Variants in BANP observed in about 807,000 individuals in gnomAD.
BANP encodes the protein BTG3 associated nuclear protein.
In BANP, 11 loss-of-function variants were observed where a neutral mutation model predicts 68.1. The ratio of observed to expected loss-of-function variants is 0.16; its 90% confidence interval spans 0.10 to 0.27. The LOEUF is 0.27. BANP is among the 10% of genes least tolerant of loss of function. The pLI is 1.00. For synonymous variants in BANP, 329 were observed against 303.2 expected, an observed-to-expected ratio of 1.09 and a Z score of -0.88; for missense variants, 504 against 722.7, an observed-to-expected ratio of 0.70 and a Z score of 3.47.
At chr16:88,062,776 G>A (rs1398073696) in intron 11 of BANP, among the ~76,000 whole-genome samples, 3 of 152,184 alleles carry the variant, frequency 2.0e-5, no homozygotes, top group Non-Finnish European at 4.4e-5. Flanking sequence ...AGGAAAGAAG[G>A]GATTGCACAT....
At chr16:87,982,311 C>T (rs750366087) in intron 3 of BANP, among the ~76,000 whole-genome samples, 3 of 152,148 alleles carry the variant, frequency 2.0e-5, no homozygotes, top group South Asian at 2.1e-4. Flanking sequence ...GAGTCGTGTG[C>T]GTGGCTCTAG....
chr16:87,973,488 C>A (rs887738367), intron 1 of BANP, among the ~76,000 whole-genome samples: 3 of 152,258 alleles, frequency 2.0e-5, no homozygotes, highest in African/African-American at 4.8e-5. Flanking sequence ...AGGCCGGGCG[C>A]GGTGGCTCAC....
rs1486581695 is a variant in BANP at position 88,036,055 on chromosome 16, G to T, written c.1272+661G>T. ...AGGCCAGCCTGTTGCGATGCTCCATGTTTGCATGCCAGAGCAGGACTGTCT... is the reference window on the plus strand; with the variant it reads ...AGGCCAGCCTGTTGCGATGCTCCATTTTTGCATGCCAGAGCAGGACTGTCT... On this transcript the variant is annotated intron_variant, in intron 10 of 13. Coordinates refer to ENST00000682872, the MANE Select transcript of BANP (RefSeq NM_001386991.1). The surrounding 1 kb of genome is among the most constrained non-coding windows in gnomAD (Gnocchi z 4.2). 4.6e-5 allele frequency among the ~76,000 whole-genome samples: 7 copies of T among 152,236 alleles called. No individual in the cohort carries two copies. Among genetic ancestry groups the T allele is most frequent in the Non-Finnish European group, 1.0e-4 (7 of 68,046 alleles).
At chr16:88,058,299 G>C (rs745379711) in intron 11 of BANP, among the ~76,000 whole-genome samples, 3 of 152,176 alleles carry the variant, frequency 2.0e-5, no homozygotes, top group African/African-American at 7.2e-5. Context: ...GGATTTGTTG[G>C]GTTTCACGCA....
In BANP at chr16:87,960,283, T is replaced by G. The variant is rs6540125; in HGVS notation, c.-69+8768T>G. ...CTTGTCTGACACCTGGGAGATGAAT[T>G]TCAGTCTGATGGTGGATCTGGACCC... On this transcript the variant is annotated intron_variant, in intron 1 of 13. Coordinates refer to ENST00000682872, the MANE Select transcript of BANP (RefSeq NM_001386991.1). Among the ~76,000 whole-genome samples the G allele has an allele frequency of 0.67, 102,298 of 151,998 alleles. 35,202 individuals carry two copies. The highest frequency in any genetic ancestry group is 0.79 in the African/African-American group (32,804 of 41,480).
At chr16:87,955,001 C>T (rs1319177999) in intron 1 of BANP, among the ~76,000 whole-genome samples, 1 of 152,204 alleles carries the variant, frequency 6.6e-6, no homozygotes, top group Non-Finnish European at 1.5e-5. Flanking sequence ...TGGCTCTGGC[C>T]CTGTGGCCTT....
chr16:88,048,426 C>A (rs1361861808), intron 11 of BANP, among the ~76,000 whole-genome samples: 1 of 151,914 alleles, frequency 6.6e-6, no homozygotes, highest in African/African-American at 2.4e-5. Flanking sequence ...TAACAGTGTT[C>A]TCGGTATTGA....
intron 5 of BANP, among the ~76,000 whole-genome samples, chr16:88,005,756 C>T (rs559018096): frequency 4.0e-4 from 61 of 152,286 alleles, no homozygotes; most frequent in African/African-American, 1.4e-3. Context: ...TTAACCTCGC[C>T]GGAAAAAAGA....
chr16:88,074,577 G>T (rs1468972770), intron 13 of BANP, among the ~76,000 whole-genome samples: 2 of 152,110 alleles, frequency 1.3e-5, no homozygotes, highest in African/African-American at 4.8e-5. Context: ...TGTCCTTGGA[G>T]GGCAAGTGAG....
In BANP at chr16:88,018,905, T is replaced by TAC. The variant is rs2075220733; in HGVS notation, c.895+239_895+240dup. Among the ~76,000 whole-genome samples the TAC allele has an allele frequency of 6.6e-6, 1 of 152,208 alleles. No individual in the cohort carries two copies. Among genetic ancestry groups the TAC allele is most frequent in the South Asian group, 2.1e-4 (1 of 4,830 alleles). Reference sequence around the variant, plus strand: ...TACCTCATATACCCCATCATATATATACCTACTGTGTACCCTTAGAAGGTG... The same window carrying TAC: ...TACCTCATATACCCCATCATATATATACACCTACTGTGTACCCTTAGAAGGTG... On this transcript the variant is annotated intron_variant, in intron 7 of 13. Transcript: ENST00000682872. The surrounding 1 kb of genome is among the most constrained non-coding windows in gnomAD (Gnocchi z 7.7).
chr16:87,962,064 C>T (rs530279367), intron 1 of BANP, among the ~76,000 whole-genome samples: 2 of 151,958 alleles, frequency 1.3e-5, no homozygotes, highest in South Asian at 4.1e-4. Context: ...CATGGTGAAA[C>T]GCTGTCTCTA....
intron 11 of BANP, among the ~76,000 whole-genome samples, chr16:88,046,524 T>C (rs1285592643): frequency 1.3e-5 from 2 of 152,112 alleles, no homozygotes; most frequent in African/African-American, 4.8e-5. Context: ...TATGTTCTTT[T>C]TTTAATTTTT....
chr16:88,034,980 C>T, intron 9 of BANP: 1 of 248,154 alleles, frequency 4.0e-6, no homozygotes, highest in Non-Finnish European at 7.9e-6. Context: ...CTCTGTCCAG[C>T]CCGGGACGTG....
At chr16:87,994,809 C>T (rs1355283422) in intron 4 of BANP, among the ~76,000 whole-genome samples, 2 of 152,150 alleles carry the variant, frequency 1.3e-5, no homozygotes, top group Non-Finnish European at 1.5e-5. Flanking sequence ...AACCTGCAAA[C>T]AGTAGAAATA....
At chr16:88,037,626 G>A (rs985736627) in intron 10 of BANP, 7 of 307,108 alleles carry the variant, frequency 2.3e-5, no homozygotes, top group African/African-American at 8.9e-5. Flanking sequence ...GAAGCTGGGC[G>A]ACACACACAT....
intron 11 of BANP, among the ~76,000 whole-genome samples, chr16:88,056,015 C>CCTG (rs1056893811): frequency 2.6e-5 from 4 of 152,208 alleles, no homozygotes; most frequent in African/African-American, 9.6e-5. Flanking sequence ...CCGCATGCCT[C>CCTG]CTGCTGCCTT....
rs2071894832 is a variant in BANP at position 88,008,317 on chromosome 16, C to T, written c.655+2052C>T. On this transcript the variant is annotated intron_variant, in intron 6 of 13. Coordinates refer to ENST00000682872, the MANE Select transcript of BANP (RefSeq NM_001386991.1). ...CAGGTTTTTGTGTATGTATTAATTG[C>T]AGGATCAGGGCAATGGAGTTTTTCA... Among the ~76,000 whole-genome samples the T allele has an allele frequency of 2.0e-5, 3 of 152,114 alleles. No individual in the cohort carries two copies. In the South Asian group the frequency reaches 6.2e-4, roughly 31 times the overall value.
At chr16:87,972,941 C>G (rs7200909) in intron 1 of BANP, among the ~76,000 whole-genome samples, 49,217 of 151,938 alleles carry the variant, frequency 0.32, 10,293 homozygotes, top group African/African-American at 0.57. Context: ...GATCCTGCAG[C>G]TGCTGCTCTC....
intron 1 of BANP, among the ~76,000 whole-genome samples, chr16:87,967,140 G>A (rs1488147428): frequency 1.3e-5 from 2 of 152,166 alleles, no homozygotes. Context: ...GGGCTCTTCC[G>A]TGAGCTCTGG....
Sources: allele counts gnomAD v4.1 joint callset (sites outside exome capture counted in the v4.1 genomes callset), GRCh38; gene constraint gnomAD v4.1.1; non-coding constraint Gnocchi (gnomAD v3.1); transcripts MANE v1.5; gene names NCBI Gene and HGNC (gene_info 2026-07-23, HGNC 2026-07-21).